DGKH: variants seen among roughly 807,000 people sequenced by gnomAD.
DGKH encodes diacylglycerol kinase eta.
In DGKH, 90 loss-of-function variants were observed where a neutral mutation model predicts 159.3. That is an observed-to-expected ratio of 0.57 (90% CI 0.48 to 0.67). DGKH has a LOEUF of 0.67. Ranked by LOEUF, DGKH falls within the 30% of genes least tolerant of loss-of-function variation. DGKH has a pLI of 0.00. For missense variants in DGKH, 1,181 were observed against 1,506.1 expected, an observed-to-expected ratio of 0.78 and a Z score of 3.57; for synonymous variants, 536 against 553.8, an observed-to-expected ratio of 0.97 and a Z score of 0.45.
At chr13:42,102,792 T>C (rs1176432742) in intron 1 of DGKH, among the ~76,000 whole-genome samples, 1 of 152,180 alleles carries the variant, frequency 6.6e-6, no homozygotes, top group African/African-American at 2.4e-5. Flanking sequence ...TATGAAAGAC[T>C]AGGAAAGCCT....
intron 21 of DGKH, among the ~76,000 whole-genome samples, chr13:42,208,699 A>G (rs1957566235): frequency 6.6e-6 from 1 of 151,886 alleles, no homozygotes; most frequent in Non-Finnish European, 1.5e-5. Flanking sequence ...TTAGAAATAT[A>G]TTAGTTAACT....
At chr13:42,065,453 TC>T (rs1882492792) in intron 1 of DGKH, among the ~76,000 whole-genome samples, 1 of 152,248 alleles carries the variant, frequency 6.6e-6, no homozygotes, top group Non-Finnish European at 1.5e-5. Flanking sequence ...TTACTCTTTC[TC>T]CTCTTAGAGA....
rs777819084 is a variant in DGKH at position 42,155,782 on chromosome 13, A to G, written c.605A>G (p.His202Arg). 17 of 1,614,008 alleles carry G rather than the reference A, an allele frequency of 1.1e-5. No individual in the cohort carries two copies. Among genetic ancestry groups the G allele is most frequent in the African/African-American group, 4.0e-5 (3 of 74,906 alleles). The part of the protein sequence containing the change: ...CRESLSGVTS[H>R]GLSCEVCKFK... ...GAGAGTCTTTCTGGAGTCACCTCCC[A>G]TGGCCTGTCCTGCGAAGGTACTGTA... Residue 202 changes from histidine (H) to arginine (R), a missense_variant, in exon 5 of 30, where the codon CAT (histidine) becomes CGT (arginine). Physicochemically the swap from His to Arg is conservative, Grantham distance 29. Coordinates refer to ENST00000337343, the MANE Select transcript of DGKH (RefSeq NM_178009.5).
chr13:42,073,115 C>A (rs1400804610), intron 1 of DGKH, among the ~76,000 whole-genome samples: 1 of 152,146 alleles, frequency 6.6e-6, no homozygotes, highest in East Asian at 1.9e-4. Context: ...TTGAGAAATT[C>A]TTTTATATAT....
intron 1 of DGKH, among the ~76,000 whole-genome samples, chr13:42,061,173 G>T (rs1375006627): frequency 1.3e-5 from 2 of 152,182 alleles, no homozygotes; most frequent in African/African-American, 2.4e-5. Context: ...GTTCAATCAG[G>T]TATGATGTTT....
intron 17 of DGKH, among the ~76,000 whole-genome samples, chr13:42,197,150 T>A (rs1364899749): frequency 6.6e-6 from 1 of 150,392 alleles, no homozygotes; most frequent in East Asian, 2.0e-4. Flanking sequence ...CTTGAGAGAC[T>A]GAGGCAGGAT....
chr13:42,185,179 C>T (rs1430656582), intron 13 of DGKH, among the ~76,000 whole-genome samples: 1 of 152,180 alleles, frequency 6.6e-6, no homozygotes, highest in Non-Finnish European at 1.5e-5. Flanking sequence ...AATAACTCTA[C>T]ATTCACTATT....
At chr13:42,062,983 G>A (rs1033507118) in intron 1 of DGKH, among the ~76,000 whole-genome samples, 1 of 151,984 alleles carries the variant, frequency 6.6e-6, no homozygotes, top group Admixed American at 6.6e-5. Context: ...TTTCTTGGTG[G>A]CTCTCATAAA....
chr13:42,149,306 T>A (rs1955818904), intron 3 of DGKH, among the ~76,000 whole-genome samples: 1 of 152,198 alleles, frequency 6.6e-6, no homozygotes, highest in South Asian at 2.1e-4. Context: ...TAGTTTCCCC[T>A]TCACTGTGTT....
intron 24 of DGKH, among the ~76,000 whole-genome samples, chr13:42,212,940 A>G (rs193059408): frequency 1.3e-5 from 2 of 152,154 alleles, no homozygotes; most frequent in Admixed American, 6.6e-5. Context: ...AAGCATGGGA[A>G]CCAGCTTAGG....
downstream of DGKH, among the ~76,000 whole-genome samples, chr13:42,243,624 TAGAG>T (rs888357000): frequency 5.9e-5 from 9 of 152,112 alleles, no homozygotes; most frequent in South Asian, 2.1e-4. Flanking sequence ...AGGGCAGAGA[TAGAG>T]AAAGTTCAGG....
intron 1 of DGKH, among the ~76,000 whole-genome samples, chr13:42,064,554 G>T (rs772346254): frequency 6.6e-6 from 1 of 152,126 alleles, no homozygotes; most frequent in Non-Finnish European, 1.5e-5. Flanking sequence ...GAGGGCTCGA[G>T]TCAGGTCCTA....
intron 1 of DGKH, among the ~76,000 whole-genome samples, chr13:42,104,592 C>T (rs549327141): frequency 2.6e-5 from 4 of 152,248 alleles, no homozygotes; most frequent in East Asian, 1.9e-4. Context: ...CCCTCATTTC[C>T]GCTCATGTCC....
chr13:42,051,578 C>T (rs1211852955), intron 1 of DGKH, among the ~76,000 whole-genome samples: 1 of 148,280 alleles, frequency 6.7e-6, no homozygotes, highest in Non-Finnish European at 1.5e-5. Context: ...CTTTCTGTGT[C>T]TCCGCACAGG....
chr13:42,207,130 C>CT (rs1957520729), intron 21 of DGKH, among the ~76,000 whole-genome samples: 1 of 21,552 alleles, frequency 4.6e-5, no homozygotes, highest in Non-Finnish European at 9.9e-5. Context: ...TCTCTCCTTC[C>CT]TTCCTTCCTT....
At position 42,206,029 on chromosome 13, in the gene DGKH, T is replaced by A. The variant is rs575480012; in HGVS notation, c.2494-10T>A. 4.7e-6 allele frequency: 6 copies of A among 1,283,796 alleles called. No individual in the cohort carries two copies. The highest frequency in any genetic ancestry group is 5.0e-5 in the South Asian group (2 of 39,986). 79.5% of individuals were successfully genotyped at this position (1,283,796 alleles called of 1,614,324 possible). ...AATCTCTACTTTTTTTTTTTTTTTT[T>A]ACCTTACAGTGTGATGGGCAGTATA... On this transcript the variant is annotated splice_polypyrimidine_tract_variant and intron_variant, in intron 20 of 29. Transcript: ENST00000337343.
At chr13:42,195,830 AAT>A (rs1266232216) in intron 17 of DGKH, 2 of 152,250 alleles carry the variant, frequency 1.3e-5, no homozygotes, top group African/African-American at 4.8e-5. Flanking sequence ...CACCGAAATG[AAT>A]AGTTTTGTGA....
intron 1 of DGKH, among the ~76,000 whole-genome samples, chr13:42,050,754 A>G (rs1325760569): frequency 6.6e-6 from 1 of 152,114 alleles, no homozygotes; most frequent in East Asian, 1.9e-4. Context: ...CTTTGGGAGA[A>G]CAAGGTACCT....
intron 1 of DGKH, among the ~76,000 whole-genome samples, chr13:42,096,731 T>C (rs749636506): frequency 2.0e-5 from 3 of 152,240 alleles, no homozygotes; most frequent in Non-Finnish European, 2.9e-5. Context: ...GAAGCTAATG[T>C]TCCTGTTACC....
Sources: gnomAD v4.1 joint callset for allele counts (sites outside exome capture counted in the v4.1 genomes callset) on GRCh38, gnomAD v4.1.1 for gene constraint, MANE v1.5 for transcripts, NCBI Gene and HGNC (gene_info 2026-07-23, HGNC 2026-07-21) for gene names.